DGKD: variants seen among roughly 807,000 people sequenced by gnomAD.
The protein encoded by DGKD is diacylglycerol kinase delta.
A neutral mutation model predicts 154.4 loss-of-function variants in DGKD; 68 were observed. The observed-to-expected ratio is 0.44, with a 90% CI of 0.36 to 0.54. The LOEUF is 0.54. Among genes scored for constraint, DGKD ranks in the 20% least tolerant of loss-of-function variants. The probability of loss-of-function intolerance (pLI) is 0.00; values close to 1 mark genes in which losing one functional copy is unlikely to be tolerated. For synonymous variants in DGKD, 693 were observed against 638.0 expected (o/e 1.09, Z -1.30); for missense variants, 1,343 against 1,593.6 (o/e 0.84, Z 2.68).
chr2:233,365,381 T>G (rs1701974696), intron 1 of DGKD, among the ~76,000 whole-genome samples: 1 of 151,972 alleles, frequency 6.6e-6, no homozygotes, highest in Non-Finnish European at 1.5e-5. Flanking sequence ...CAGGTGTCCA[T>G]CACCATGCCA....
At chr2:233,444,513 C>G (rs923204977) in intron 10 of DGKD, among the ~76,000 whole-genome samples, 3 of 151,732 alleles carry the variant, frequency 2.0e-5, no homozygotes, top group Admixed American at 6.6e-5. Context: ...TGCCTTGCCC[C>G]CTCCCAGTGG....
chr2:233,394,635 C>T (rs838720), intron 3 of DGKD, among the ~76,000 whole-genome samples: 1 of 149,300 alleles, frequency 6.7e-6, no homozygotes, highest in Non-Finnish European at 1.5e-5. Flanking sequence ...TACCCCCCAC[C>T]CTTTTCCATC....
At chr2:233,426,342 T>C (rs1347067221) in intron 3 of DGKD, among the ~76,000 whole-genome samples, 3 of 152,202 alleles carry the variant, frequency 2.0e-5, no homozygotes, top group African/African-American at 7.2e-5. Context: ...TCCCAAGTTC[T>C]GTATCCTTTT....
intron 3 of DGKD, among the ~76,000 whole-genome samples, chr2:233,394,364 T>C (rs904572661): frequency 6.6e-6 from 1 of 152,110 alleles, no homozygotes; most frequent in Non-Finnish European, 1.5e-5. Flanking sequence ...TGCCTCAGCC[T>C]CCCAGTTAGC....
chr2:233,468,011 T>C (rs2063880457), intron 28 of DGKD, among the ~76,000 whole-genome samples: 1 of 152,090 alleles, frequency 6.6e-6, no homozygotes, highest in African/African-American at 2.4e-5. Flanking sequence ...TTCCCTCATA[T>C]TTGGTGGTGG....
chr2:233,456,074 G>C (rs1484773601), intron 19 of DGKD, among the ~76,000 whole-genome samples: 3 of 152,180 alleles, frequency 2.0e-5, no homozygotes, highest in Non-Finnish European at 4.4e-5. Context: ...TTGGAACCCT[G>C]GTCAAACCTC....
intron 3 of DGKD, among the ~76,000 whole-genome samples, chr2:233,431,889 G>A (rs189127653): frequency 3.3e-5 from 5 of 152,346 alleles, no homozygotes; most frequent in Admixed American, 1.3e-4. Flanking sequence ...AAACTTTCTA[G>A]GACGTTGGAC....
chr2:233,381,037 G>T (rs1702875799), intron 1 of DGKD, among the ~76,000 whole-genome samples: 1 of 152,084 alleles, frequency 6.6e-6, no homozygotes, highest in South Asian at 2.1e-4. Context: ...TCCATGAGTT[G>T]GTGTTTTGGA....
At chr2:233,430,740 T>G (rs1051917453) in intron 3 of DGKD, among the ~76,000 whole-genome samples, 2 of 152,172 alleles carry the variant, frequency 1.3e-5, no homozygotes, top group Non-Finnish European at 2.9e-5. Context: ...ACACTATCAA[T>G]TTTTTCTCTA....
chr2:233,436,249 AT>A, intron 6 of DGKD, 66 bp from the exon 7 acceptor site: 2 of 1,603,922 alleles, frequency 1.2e-6, no homozygotes, highest in South Asian at 2.2e-5. Flanking sequence ...CACAACGAGC[AT>A]TTCCTGGCTG....
intron 1 of DGKD, chr2:233,379,794 T>G (rs1172517146): frequency 6.6e-6 from 1 of 152,156 alleles, no homozygotes; most frequent in East Asian, 1.9e-4. Context: ...CTTTACTTTT[T>G]TATTTTATTT....
At chr2:233,446,636 G>T (rs1361802470) in intron 11 of DGKD, 76 bp from the exon 12 acceptor site, 2 of 1,481,972 alleles carry the variant, frequency 1.3e-6, no homozygotes, top group Non-Finnish European at 9.2e-7. Flanking sequence ...TGCCAGCCGT[G>T]AAAGCGGACG....
rs2062899508 is a variant in DGKD at position 233,441,789 on chromosome 2, A to G, written c.1086-98A>G. ...GCTCTGCCTCTGGTGCAGGTCAGCC[A>G]TGAGGAGCACAGGTGGCCCCTCAGC... On this transcript the variant is annotated intron_variant, in intron 9 of 29. Transcript: ENST00000264057. This position sits in a 1 kb window ranked among gnomAD's most constrained non-coding sequence, Gnocchi z 5.6. The G allele has an allele frequency of 1.8e-6, 2 of 1,121,566 alleles. No individual in the cohort carries two copies. Among genetic ancestry groups the G allele is most frequent in the Non-Finnish European group, 2.6e-6 (2 of 760,214 alleles). The allele number at this position is 1,121,566 out of a possible 1,614,324, so 69.5% of individuals were successfully genotyped here.
chr2:233,450,789 A>G (rs2063255580), intron 16 of DGKD, 133 bp from the exon 17 acceptor site: 2 of 1,142,186 alleles, frequency 1.8e-6, no homozygotes, highest in Non-Finnish European at 2.5e-6. Flanking sequence ...TGTCCCACAC[A>G]CTTCACGCAA....
intron 1 of DGKD, among the ~76,000 whole-genome samples, chr2:233,380,679 T>TGGG (rs942955472): frequency 6.6e-6 from 1 of 151,550 alleles, no homozygotes; most frequent in Non-Finnish European, 1.5e-5. Flanking sequence ...TGTGTGTGTG[T>TGGG]GGGGGGGTGT....
chr2:233,442,001 A>T lies in DGKD; in HGVS notation c.1194+6A>T, dbSNP rs566990220. ...GCCTCAACCTTCATAAACAGGTACC[A>T]GGACAGGAGGGAGCCCAGCCAGGAG... On this transcript the variant is annotated splice_donor_region_variant and intron_variant, in intron 10 of 29. Coordinates refer to ENST00000264057, the MANE Select transcript of DGKD (RefSeq NM_152879.3). 4 of 1,613,596 alleles carry T rather than the reference A, an allele frequency of 2.5e-6. No homozygotes were observed. In the South Asian group the frequency reaches 3.3e-5, roughly 13 times the overall value.
intron 10 of DGKD, 30 bp downstream of exon 10, chr2:233,442,025 A>G: frequency 6.3e-7 from 1 of 1,588,912 alleles, no homozygotes; most frequent in South Asian, 1.1e-5. Context: ...CCCAGCCAGG[A>G]GCAGAGAGGG....
At chr2:233,422,885 C>T (rs1042756425) in intron 3 of DGKD, among the ~76,000 whole-genome samples, 5 of 152,166 alleles carry the variant, frequency 3.3e-5, no homozygotes, top group Admixed American at 6.5e-5. Flanking sequence ...GCCTCCAAGC[C>T]GCAGAGATTT....
chr2:233,447,552 TG>T (rs2063124190), intron 12 of DGKD: 1 of 985,700 alleles, frequency 1.0e-6, no homozygotes, highest in African/African-American at 1.7e-5. Context: ...GAAGAGTGTG[TG>T]GGGGAAGCCC....
Sources: allele counts gnomAD v4.1 joint callset (sites outside exome capture counted in the v4.1 genomes callset), GRCh38; gene constraint gnomAD v4.1.1; non-coding constraint Gnocchi (gnomAD v3.1); transcripts MANE v1.5; gene names NCBI Gene and HGNC (gene_info 2026-07-23, HGNC 2026-07-21).